The following MDGA1 variants were observed in gnomAD, a reference collection of about 807,000 sequenced individuals.
MDGA1 encodes the protein MAM domain containing glycosylphosphatidylinositol anchor 1, also known as MAM domain-containing glycosylphosphatidylinositol anchor protein 1.
MDGA1 carries 54 observed loss-of-function variants against 101.5 expected under a neutral mutation model. The observed-to-expected ratio is 0.53, with a 90% confidence interval of 0.43 to 0.67. The LOEUF (loss-of-function observed/expected upper bound fraction) is 0.67, where lower values mean the gene tolerates loss of function less well. Ranked by LOEUF, MDGA1 falls within the 30% of genes least tolerant of loss-of-function variation. The pLI is 0.00. For missense variants in MDGA1, 1,083 were observed against 1,323.8 expected, an observed-to-expected ratio of 0.82 and a Z score of 2.82; for synonymous variants, 533 against 558.3, an observed-to-expected ratio of 0.95 and a Z score of 0.64.
intron 1 of MDGA1, among the ~76,000 whole-genome samples, chr6:37,688,708 C>T (rs1002857666): frequency 1.3e-5 from 2 of 152,190 alleles, no homozygotes; most frequent in African/African-American, 2.4e-5. Context: ...AAACGGAGTC[C>T]CCATAGTTCA....
chr6:37,631,133 C>T lies in MDGA1; in HGVS notation c.*6235G>A, dbSNP rs148791208. 28 of 152,284 alleles carry T rather than the reference C, an allele frequency of 1.8e-4. No individual in the cohort carries two copies. Among genetic ancestry groups the T allele is most frequent in the African/African-American group, 6.7e-4 (28 of 41,538 alleles). The allele number at this position is 152,284 out of a possible 1,614,324, so 9.4% of individuals were successfully genotyped here. A position where few individuals can be genotyped will look rare whatever the true frequency, so the allele number is the denominator to read the frequency against. On this transcript the variant is annotated 3_prime_UTR_variant, in exon 17 of 17. Transcript: ENST00000434837. ...AGAATACAGAAGCACCAGAAGAATA[C>T]AGAAGCACCAGAAACTTCTGTAGAT...
At chr6:37,642,179 CT>C (rs34171567) in intron 14 of MDGA1, among the ~76,000 whole-genome samples, 44,189 of 108,476 alleles carry the variant, frequency 0.41, 6,799 homozygotes, top group Admixed American at 0.48. Context: ...TGGTTTCTTT[CT>C]TTTTTTTTTT....
In MDGA1 at chr6:37,649,262, C is replaced by T. The variant is rs2114017480; in HGVS notation, c.1614G>A (p.Pro538=). The T allele has an allele frequency of 2.7e-6, 4 of 1,498,626 alleles. No individual in the cohort carries two copies. Among genetic ancestry groups the T allele is most frequent in the Middle Eastern group, 2.2e-4 (1 of 4,448 alleles). The allele number at this position is 1,498,626 out of a possible 1,614,324, so 92.8% of individuals were successfully genotyped here. ...CCTGGGAACTGGGCTCCACCTCCGG[C>T]GGGACTGGGGGCGGGAGCGGCGGTC... ...EAQVQLNVQF[P]PEVEPSSQDV... Residue 538 remains proline, a synonymous_variant, in exon 9 of 17, where the codon CCG becomes CCA. Transcript: ENST00000434837.
rs767861829 is a variant in MDGA1 at position 37,647,308 on chromosome 6, C to T, written c.1911G>A (p.Pro637=). The T allele has an allele frequency of 4.5e-6, 7 of 1,547,298 alleles. No individual in the cohort carries two copies. The highest frequency in any genetic ancestry group is 6.1e-6 in the Non-Finnish European group (7 of 1,144,468). ...GGTTGGGGGTGTCGAAGTAAAACTC[C>T]GGGCTGTAGGCTTTGGCTAAGAGGG... is the stretch of plus-strand genomic sequence containing the variant. The part of the protein sequence containing the change: ...LFQVSAKAYS[P]EFYFDTPNPT... Residue 637 remains proline (P), a synonymous_variant, in exon 10 of 17, where the codon CCG becomes CCA. Transcript: ENST00000434837.
rs1442923711 is a variant in MDGA1 at position 37,696,549 on chromosome 6, C to T, written c.67+196G>A. On this transcript the variant is annotated intron_variant, in intron 1 of 16. Transcript: ENST00000434837. The surrounding 1 kb of genome is among the most constrained non-coding windows in gnomAD (Gnocchi z 5.6). The stretch of plus-strand genomic sequence containing the variant: ...TCCTCCTGACATCCCGGCTTCCCAC[C>T]AGACCCTACGACCGGCCCCTGTGTT... 6.6e-6 allele frequency among the ~76,000 whole-genome samples: 1 copy of T among 152,212 alleles called. No individual in the cohort carries two copies. Among genetic ancestry groups the T allele is most frequent in the African/African-American group, 2.4e-5 (1 of 41,464 alleles).
At chr6:37,647,827 T>A (rs1388170220) in intron 9 of MDGA1, among the ~76,000 whole-genome samples, 1 of 150,656 alleles carries the variant, frequency 6.6e-6, no homozygotes, top group South Asian at 2.1e-4. Context: ...CAGGGCTGGG[T>A]GGAGGGGAGT....
intron 2 of MDGA1, among the ~76,000 whole-genome samples, chr6:37,660,508 A>G (rs1041537761): frequency 6.6e-6 from 1 of 151,836 alleles, no homozygotes; most frequent in Non-Finnish European, 1.5e-5. Flanking sequence ...CCAATTCACT[A>G]ATTTTTTCTT....
Position 37,654,314 on chromosome 6 carries a change from C to T in MDGA1, c.942G>A (p.Val314=), listed in dbSNP as rs1415529046. 1.9e-6 allele frequency: 3 copies of T among 1,584,452 alleles called. No individual in the cohort carries two copies. The highest frequency in any genetic ancestry group is 1.8e-5 in the Admixed American group (1 of 56,652). ...GYYNCTATNN[V]GNPAKKTVNL... ...TGACAGTCTTCTTGGCAGGGTTGCC[C>T]ACATTGTTGGTGGCTGTGCAGTTGT... The change falls in exon 6 of 17, where the codon GTG becomes GTA. Residue 314 remains valine (V), a synonymous_variant. Coordinates refer to ENST00000434837, the MANE Select transcript of MDGA1 (RefSeq NM_153487.4).
chr6:37,658,968 CAAAAAAAAAA>C (rs34087406), intron 2 of MDGA1, among the ~76,000 whole-genome samples: 1 of 109,512 alleles, frequency 9.1e-6, no homozygotes, highest in Admixed American at 9.5e-5. Flanking sequence ...AAGACTGTTT[CAAAAAAAAAA>C]AAAAAAAAAA....
Position 37,633,746 on chromosome 6 carries a change from G to A in MDGA1, c.*3622C>T, listed in dbSNP as rs79772101. On this transcript the variant is annotated 3_prime_UTR_variant, in exon 17 of 17. Coordinates refer to ENST00000434837, the MANE Select transcript of MDGA1 (RefSeq NM_153487.4). ...CATCCCCACCGGCACCCTGGACACA[G>A]GACTGTTAGCCAAACTCCCTGCAGT... is the stretch of plus-strand genomic sequence containing the variant. The A allele has an allele frequency of 4.2e-3, 633 of 152,466 alleles. 6 individuals are homozygous for A. The highest frequency in any genetic ancestry group is 0.015 in the African/African-American group (604 of 41,592). The allele number at this position is 152,466 out of a possible 1,614,324, so 9.4% of individuals were successfully genotyped here. A position where few individuals can be genotyped will look rare whatever the true frequency, so the allele number is the denominator to read the frequency against.
At position 37,682,792 on chromosome 6, in the gene MDGA1, T is replaced by A. The variant is rs1172408019; in HGVS notation, c.67+13953A>T. Among the ~76,000 whole-genome samples, 3 of 152,084 alleles carry A rather than the reference T, an allele frequency of 2.0e-5. No individual in the cohort carries two copies. The East Asian group carries it at 5.8e-4, about 29-fold the overall frequency. On this transcript the variant is annotated intron_variant, in intron 1 of 16. Coordinates refer to ENST00000434837, the MANE Select transcript of MDGA1 (RefSeq NM_153487.4). Reference sequence around the variant, plus strand: ...TGCGGGGGGTTCAATAAATACTGAATTAGTTAATTAATCTCAGGTCCCAGT... The same window carrying A: ...TGCGGGGGGTTCAATAAATACTGAAATAGTTAATTAATCTCAGGTCCCAGT...
chr6:37,655,360 C>G lies in MDGA1; in HGVS notation c.579+340G>C, dbSNP rs893436545. 7 of 337,034 alleles carry G rather than the reference C, an allele frequency of 2.1e-5. No homozygotes were observed. The highest frequency in any genetic ancestry group is 3.3e-5 in the Non-Finnish European group (6 of 184,582). 20.9% of individuals were successfully genotyped at this position (337,034 alleles called of 1,614,324 possible). A position where few individuals can be genotyped will look rare whatever the true frequency, so the allele number is the denominator to read the frequency against. ...CCCATGGGAAGAGGAGTCATCTCCT[C>G]GCCCCCAGATCCTGCTGTGCCTGGC... On this transcript the variant is annotated intron_variant, in intron 4 of 16. Transcript: ENST00000434837. The surrounding 1 kb of genome is among the most constrained non-coding windows in gnomAD (Gnocchi z 5.1).
rs555132526 is a variant in MDGA1, at chr6:37,673,733, C to T, written c.68-9627G>A. Among the ~76,000 whole-genome samples the T allele has an allele frequency of 3.9e-5, 6 of 152,202 alleles. No homozygotes were observed. In the East Asian group the frequency reaches 1.2e-3, roughly 29 times the overall value. ...GTGACTTCTCGGAGGTGCTCTGAGGCTGGGGGAGGCTCCAGTTCTGTGCTA... is the reference window on the plus strand; with the variant it reads ...GTGACTTCTCGGAGGTGCTCTGAGGTTGGGGGAGGCTCCAGTTCTGTGCTA... On this transcript the variant is annotated intron_variant, in intron 1 of 16. Transcript: ENST00000434837.
At chr6:37,656,109 T>C (rs3846875) in intron 3 of MDGA1, among the ~76,000 whole-genome samples, 134,408 of 149,604 alleles carry the variant, frequency 0.9, 60,483 homozygotes, top group East Asian at 1. Flanking sequence ...GACAGAGTCT[T>C]GCTCTGTCAC....
chr6:37,678,689 C>T (rs1483582171), intron 1 of MDGA1, among the ~76,000 whole-genome samples: 1 of 151,320 alleles, frequency 6.6e-6, no homozygotes, highest in African/African-American at 2.4e-5. Flanking sequence ...CCCACCCCCT[C>T]CCCACTGCTT....
chr6:37,680,152 C>T (rs56967047), intron 1 of MDGA1, among the ~76,000 whole-genome samples: 8,440 of 152,254 alleles, frequency 0.055, 498 homozygotes, highest in African/African-American at 0.15. Context: ...GGCGCTGACA[C>T]ACCAGGGAAG....
chr6:37,693,771 C>G (rs1479024171), intron 1 of MDGA1, among the ~76,000 whole-genome samples: 1 of 152,224 alleles, frequency 6.6e-6, no homozygotes, highest in East Asian at 1.9e-4. Flanking sequence ...GGACAACAAA[C>G]TGGGCCAGGA....
chr6:37,670,070 G>C (rs937528912), intron 1 of MDGA1, among the ~76,000 whole-genome samples: 2 of 152,182 alleles, frequency 1.3e-5, no homozygotes, highest in Admixed American at 1.3e-4. Context: ...CCCACTAGCT[G>C]GGTGATGCTG....
chr6:37,658,956 G>A (rs1761559150), intron 2 of MDGA1, among the ~76,000 whole-genome samples: 1 of 116,102 alleles, frequency 8.6e-6, no homozygotes, highest in South Asian at 3.2e-4. Context: ...GGGCAACGGA[G>A]CAAGACTGTT....
Sources: allele counts gnomAD v4.1 joint callset (sites outside exome capture counted in the v4.1 genomes callset), GRCh38; gene constraint gnomAD v4.1.1; non-coding constraint Gnocchi (gnomAD v3.1); transcripts MANE v1.5; gene names NCBI Gene and HGNC (gene_info 2026-07-23, HGNC 2026-07-21).